CLPTM1L: variants seen among roughly 807,000 people sequenced by gnomAD.
The protein encoded by CLPTM1L is lipid scramblase CLPTM1L.
Under a neutral mutation model 70.9 loss-of-function variants are expected in CLPTM1L, and 38 were observed. The ratio of observed to expected loss-of-function variants is 0.54; its 90% confidence interval spans 0.41 to 0.70. The LOEUF (loss-of-function observed/expected upper bound fraction) is 0.70. CLPTM1L is among the 30% of genes least tolerant of loss of function. The probability of loss-of-function intolerance (pLI) is 0.00; values close to 1 mark genes in which losing one functional copy is unlikely to be tolerated. For synonymous variants in CLPTM1L, 339 were observed against 299.9 expected (o/e 1.13, Z -1.35); for missense variants, 652 against 705.9 (o/e 0.92, Z 0.87).
intron 10 of CLPTM1L, 183 bp downstream of exon 10, chr5:1,325,568 C>T (rs113952791): frequency 1.4e-5 from 9 of 623,266 alleles, no homozygotes; most frequent in African/African-American, 9.2e-5. Context: ...GGTATATGAC[C>T]GGGGAATCCT....
chr5:1,336,369 C>T (rs1322510683), intron 5 of CLPTM1L, among the ~76,000 whole-genome samples: 1 of 152,228 alleles, frequency 6.6e-6, no homozygotes, highest in Non-Finnish European at 1.5e-5. Flanking sequence ...TGTCGGCACA[C>T]GTGTCTCCAT....
chr5:1,327,484 G>A (rs1430267540), intron 9 of CLPTM1L, among the ~76,000 whole-genome samples: 17 of 124,778 alleles, frequency 1.4e-4, no homozygotes, highest in African/African-American at 2.5e-4. Flanking sequence ...TCCTCTACAG[G>A]GACATTTCAT....
At position 1,323,776 on chromosome 5, in the gene CLPTM1L, C is replaced by T. The variant is rs373545372; in HGVS notation, c.1280+11G>A. The T allele has an allele frequency of 2.0e-5, 32 of 1,603,390 alleles. No homozygotes were observed. In the African/African-American group the frequency reaches 2.1e-4, roughly 11 times the overall value. On this transcript the variant is annotated intron_variant, in intron 12 of 16. Transcript: ENST00000320895. ...AAAGACGCAGCAGGGGAAGCGTGTG[C>T]GGCCTCCTACCTCTTATATTTGATA...
chr5:1,335,507 C>A (rs570206790), intron 5 of CLPTM1L, among the ~76,000 whole-genome samples: 31 of 152,374 alleles, frequency 2.0e-4, no homozygotes, highest in Middle Eastern at 3.4e-3. Flanking sequence ...TGCCACCCAG[C>A]TGCTAGGACT....
chr5:1,334,220 C>T (rs761550385), intron 7 of CLPTM1L, 69 bp downstream of exon 7: 10 of 1,155,956 alleles, frequency 8.7e-6, no homozygotes, highest in African/African-American at 1.5e-5. Flanking sequence ...GTCCAGGACC[C>T]CTGCAGGAGG....
At chr5:1,344,475 G>A (rs1754147495) in intron 1 of CLPTM1L, 24 bp from the exon 2 acceptor site, 3 of 1,598,984 alleles carry the variant, frequency 1.9e-6, no homozygotes, top group South Asian at 1.1e-5. Context: ...GGCGTCGAGA[G>A]TCAGCTCGGC....
intron 15 of CLPTM1L, 31 bp downstream of exon 15, chr5:1,321,604 G>C: frequency 6.2e-7 from 1 of 1,605,116 alleles, no homozygotes; most frequent in Non-Finnish European, 8.5e-7. Context: ...TGCTCAGTGA[G>C]AAGGGATTCC....
At position 1,330,293 on chromosome 5, in the gene CLPTM1L, C is replaced by G; in HGVS notation, c.1067G>C (p.Gly356Ala). The change falls in exon 9 of 17, where the codon GGA becomes GCA. Residue 356 changes from glycine to alanine, a missense_variant. This residue lies in a region of CLPTM1L where 240 missense variants were observed against 295.0 expected (regional missense o/e 0.81). Coordinates refer to ENST00000320895, the MANE Select transcript of CLPTM1L (RefSeq NM_030782.5). ...CCCGGAACTCACCTCAATGGCGGCT[C>G]CAACACCCGCCGGGACCAGCACCAG... is the stretch of plus-strand genomic sequence containing the variant. ...SLLVLVPAGV[G>A]AAIELWKVKK... 7 of 1,612,600 alleles carry G rather than the reference C, an allele frequency of 4.3e-6. No individual in the cohort carries two copies. The highest frequency in any genetic ancestry group is 1.6e-4 in the Middle Eastern group (1 of 6,062).
intron 5 of CLPTM1L, among the ~76,000 whole-genome samples, chr5:1,336,312 A>G (rs1483974293): frequency 6.6e-6 from 1 of 152,234 alleles, no homozygotes; most frequent in Non-Finnish European, 1.5e-5. Flanking sequence ...AGTGAGACAC[A>G]GCAACAGCGA....
At chr5:1,320,854 A>G in intron 15 of CLPTM1L, 123 bp from the exon 16 acceptor site, 1 of 567,086 alleles carries the variant, frequency 1.8e-6, no homozygotes, top group Admixed American at 3.5e-5. Context: ...AACTCCTCAC[A>G]GCAACAACAA....
In CLPTM1L at chr5:1,344,993, G is replaced by A. The variant is rs1047062017; in HGVS notation, c.-152C>T. The A allele has an allele frequency of 1.4e-4, 38 of 265,146 alleles. No homozygotes were observed. Among genetic ancestry groups the A allele is most frequent in the African/African-American group, 7.9e-4 (34 of 43,264 alleles). 16.4% of individuals were successfully genotyped at this position (265,146 alleles called of 1,614,324 possible). A position where few individuals can be genotyped will look rare whatever the true frequency, so the allele number is the denominator to read the frequency against. ...CCGCGGGGGAACGAATGCGCCGCGC[G>A]CCGCAGACCGCCGGCCGCCCCGCAT... On this transcript the variant is annotated 5_prime_UTR_variant, in exon 1 of 17. Coordinates refer to ENST00000320895, the MANE Select transcript of CLPTM1L (RefSeq NM_030782.5).
rs1475006450 is a variant in CLPTM1L at position 1,342,659 on chromosome 5, C to A, written c.264-799G>T. On this transcript the variant is annotated intron_variant, in intron 2 of 16. Transcript: ENST00000320895. The surrounding 1 kb of genome is among the most constrained non-coding windows in gnomAD (Gnocchi z 4.3). ...TGAAAGTGTAGGGGTGCAATCACAG[C>A]TCACTGCATCCTCAACCTCCTGAGC... Among the ~76,000 whole-genome samples the A allele has an allele frequency of 1.3e-5, 2 of 152,248 alleles. No individual in the cohort carries two copies. Among genetic ancestry groups the A allele is most frequent in the Admixed American group, 6.5e-5 (1 of 15,292 alleles).
In CLPTM1L at chr5:1,338,913, G is replaced by A; in HGVS notation, c.546C>T (p.Asn182=). The A allele has an allele frequency of 6.2e-7, 1 of 1,613,370 alleles. No individual in the cohort carries two copies. The highest frequency in any genetic ancestry group is 8.5e-7 in the Non-Finnish European group (1 of 1,180,050). ...GCAGGGAGGACCCGTCAAAGACAAAGTTGTCCGCCATCACGTTCAGCGCCA... is the reference window on the plus strand; with the variant it reads ...GCAGGGAGGACCCGTCAAAGACAAAATTGTCCGCCATCACGTTCAGCGCCA... ...PRLALNVMAD[N]FVFDGSSLPA... Residue 182 remains asparagine, a synonymous_variant, in exon 4 of 17, where the codon AAC becomes AAT. Transcript: ENST00000320895.
chr5:1,328,937 G>GAC (rs1752870103), intron 9 of CLPTM1L, among the ~76,000 whole-genome samples: 1 of 109,306 alleles, frequency 9.1e-6, no homozygotes, highest in Admixed American at 8.5e-5. Flanking sequence ...CCTCTACAGG[G>GAC]ACATTCCATC....
At chr5:1,331,570 TGTGCAGCCGCTGGAGGCCCTGAGCC>T (rs1213956685) in intron 8 of CLPTM1L, 8 of 401,304 alleles carry the variant, frequency 2.0e-5, no homozygotes, top group East Asian at 1.9e-4. Context: ...GGCCCTGAGC[TGTGCAGCCGCTGGAGGCCCTGAGCC>T]GTGCAGCCTC....
chr5:1,341,699 T>G lies in CLPTM1L; in HGVS notation c.425A>C (p.Asn142Thr), dbSNP rs770449381. The change falls in exon 3 of 17, where the codon AAC (asparagine) becomes ACC (threonine). Residue 142 changes from asparagine to threonine, a missense_variant. Around this residue, in one of 3 missense-constraint regions of CLPTM1L, gnomAD observed 402 missense variants for 388.2 expected, o/e 1.04. Transcript: ENST00000320895. The part of the protein sequence containing the change: ...TYMVPKPEEI[N>T]LLTGESDTQQ... ...TGTATCAGACTCCCCGGTGAGCAGG[T>G]TGATTTCTTCTGGCTTGGGGACCAT... 1.2e-6 allele frequency: 2 copies of G among 1,610,920 alleles called. No individual in the cohort carries two copies. Among genetic ancestry groups the G allele is most frequent in the Non-Finnish European group, 1.7e-6 (2 of 1,177,638 alleles).
chr5:1,341,614 A>T, intron 3 of CLPTM1L, 57 bp downstream of exon 3: 1 of 1,442,512 alleles, frequency 6.9e-7, no homozygotes, highest in Non-Finnish European at 9.4e-7. Context: ...GGAGAAAGAC[A>T]TGTCCGTTCT....
intron 5 of CLPTM1L, 128 bp downstream of exon 5, chr5:1,337,776 A>T: frequency 1.3e-6 from 1 of 777,550 alleles, no homozygotes; most frequent in Non-Finnish European, 2.2e-6. Flanking sequence ...AGTGCTTCCC[A>T]GCACGGGTAA....
chr5:1,334,270 C>G lies in CLPTM1L; in HGVS notation c.891+19G>C. On this transcript the variant is annotated intron_variant, in intron 7 of 16. Coordinates refer to ENST00000320895, the MANE Select transcript of CLPTM1L (RefSeq NM_030782.5). ...AGCCCCCCAAGTGCCTGCGGCAAGC[C>G]CCCCGGTGGATGACTCACATGGAAC... The G allele has an allele frequency of 6.2e-7, 1 of 1,603,168 alleles. No homozygotes were observed. Among genetic ancestry groups the G allele is most frequent in the East Asian group, 2.2e-5 (1 of 44,794 alleles).
Sources: gnomAD v4.1 joint callset for allele counts (sites outside exome capture counted in the v4.1 genomes callset) on GRCh38, gnomAD v4.1.1 for gene constraint, gnomAD v4.1.1 regional missense constraint, Gnocchi (gnomAD v3.1) non-coding constraint, MANE v1.5 for transcripts, NCBI Gene and HGNC (gene_info 2026-07-23, HGNC 2026-07-21) for gene names.